The following THSD7A variants were observed in gnomAD, a reference collection of about 807,000 sequenced individuals.
The protein encoded by THSD7A is thrombospondin type 1 domain containing 7A, also known as thrombospondin type-1 domain-containing protein 7A.
THSD7A carries 96 observed loss-of-function variants against 231.3 expected under a neutral mutation model. The observed-to-expected ratio is 0.41, with a 90% CI of 0.35 to 0.49. The LOEUF (loss-of-function observed/expected upper bound fraction) is 0.49. THSD7A is among the 20% of genes least tolerant of loss of function. THSD7A has a pLI of 0.05. For synonymous variants in THSD7A, 940 were observed against 743.3 expected, an observed-to-expected ratio of 1.26 and a Z score of -4.30; for missense variants, 2,290 against 2,070.2, an observed-to-expected ratio of 1.11 and a Z score of -2.06.
chr7:11,620,378 G>A (rs1781263879), intron 2 of THSD7A, among the ~76,000 whole-genome samples: 1 of 152,108 alleles, frequency 6.6e-6, no homozygotes, highest in Non-Finnish European at 1.5e-5. Flanking sequence ...TGTAGAAGAA[G>A]TATCATTCAT....
intron 4 of THSD7A, among the ~76,000 whole-genome samples, chr7:11,589,034 A>T (rs1780042506): frequency 6.6e-6 from 1 of 152,194 alleles, no homozygotes; most frequent in African/African-American, 2.4e-5. Flanking sequence ...CACTGGTGTC[A>T]GTCCTTTTTG....
intron 2 of THSD7A, among the ~76,000 whole-genome samples, chr7:11,610,474 A>G (rs753107862): frequency 2.6e-5 from 4 of 152,102 alleles, no homozygotes; most frequent in Non-Finnish European, 5.9e-5. Flanking sequence ...GAAGCAGCTT[A>G]CAGTTGATGA....
At chr7:11,428,770 C>T (rs1247060322) in intron 14 of THSD7A, among the ~76,000 whole-genome samples, 177 bp downstream of exon 14, 2 of 152,122 alleles carry the variant, frequency 1.3e-5, no homozygotes. Flanking sequence ...CCAGAGAATA[C>T]AGATATGTCT....
At chr7:11,527,003 TGA>T (rs1788503207) in intron 6 of THSD7A, among the ~76,000 whole-genome samples, 1 of 152,182 alleles carries the variant, frequency 6.6e-6, no homozygotes, top group African/African-American at 2.4e-5. Flanking sequence ...GGCAGCAGAC[TGA>T]GAAGTCTAAC....
intron 1 of THSD7A, among the ~76,000 whole-genome samples, chr7:11,823,914 C>T (rs749912230): frequency 6.6e-5 from 10 of 151,700 alleles, no homozygotes; most frequent in South Asian, 2.1e-4. Flanking sequence ...ACTAACTGTG[C>T]GACGTACACC....
intron 2 of THSD7A, among the ~76,000 whole-genome samples, chr7:11,623,399 C>A (rs1329607333): frequency 2.0e-5 from 3 of 152,094 alleles, no homozygotes; most frequent in Non-Finnish European, 4.4e-5. Flanking sequence ...TCTCTTGCGT[C>A]TTACCCTGTT....
At chr7:11,806,602 A>T (rs1784403902) in intron 1 of THSD7A, among the ~76,000 whole-genome samples, 1 of 152,168 alleles carries the variant, frequency 6.6e-6, no homozygotes, top group Non-Finnish European at 1.5e-5. Context: ...TTTCTAAATG[A>T]AACTTGAATG....
intron 17 of THSD7A, among the ~76,000 whole-genome samples, chr7:11,417,216 G>A (rs989494659): frequency 6.6e-6 from 1 of 152,076 alleles, no homozygotes; most frequent in Non-Finnish European, 1.5e-5. Flanking sequence ...TAGGATGATG[G>A]GTTAGTAAAG....
chr7:11,672,527 A>G (rs1271812281), intron 1 of THSD7A, among the ~76,000 whole-genome samples: 1 of 151,976 alleles, frequency 6.6e-6, no homozygotes, highest in African/African-American at 2.4e-5. Context: ...CATGTTTTGC[A>G]TATTTATGTT....
intron 17 of THSD7A, chr7:11,413,989 A>C (rs1783876352): frequency 6.6e-6 from 1 of 152,222 alleles, no homozygotes; most frequent in South Asian, 2.1e-4. Context: ...ACCCCTACCT[A>C]GGAGCCTTAG....
Position 11,474,417 on chromosome 7 carries a change from A to G in THSD7A, c.2169T>C (p.Asn723=). ...VSSFNTTTTW[N]GEASCSVGMQ... is the part of the protein sequence containing the mutation. ...TGCCGACAGAGCAGGAGGCCTCCCCATTCCAAGTCGTAGTTGTGTTGAAGG... is the reference window on the plus strand; with the variant it reads ...TGCCGACAGAGCAGGAGGCCTCCCCGTTCCAAGTCGTAGTTGTGTTGAAGG... Residue 723 remains asparagine (N), a synonymous_variant, in exon 8 of 28, where the codon AAT becomes AAC. Coordinates refer to ENST00000423059, the MANE Select transcript of THSD7A (RefSeq NM_015204.3). The surrounding 1 kb of genome is among the most constrained non-coding windows in gnomAD (Gnocchi z 4.1). The G allele has an allele frequency of 6.2e-7, 1 of 1,613,574 alleles. No individual in the cohort carries two copies. Among genetic ancestry groups the G allele is most frequent in the African/African-American group, 1.3e-5 (1 of 75,016 alleles).
At chr7:11,764,377 C>T (rs1402792071) in intron 1 of THSD7A, among the ~76,000 whole-genome samples, 2 of 151,994 alleles carry the variant, frequency 1.3e-5, no homozygotes, top group African/African-American at 2.4e-5. Flanking sequence ...GTCAGGAGAT[C>T]GAGACCATCC....
chr7:11,507,135 G>A (rs544618274), intron 6 of THSD7A, among the ~76,000 whole-genome samples: 1 of 152,272 alleles, frequency 6.6e-6, no homozygotes, highest in South Asian at 2.1e-4. Flanking sequence ...GAGGTACTAT[G>A]GACCTTGAAG....
chr7:11,624,184 T>C (rs1781406724), intron 2 of THSD7A, among the ~76,000 whole-genome samples: 1 of 152,116 alleles, frequency 6.6e-6, no homozygotes, highest in Non-Finnish European at 1.5e-5. Flanking sequence ...AATGCCTCCA[T>C]TGCTGCTACT....
intron 1 of THSD7A, among the ~76,000 whole-genome samples, chr7:11,749,526 C>T (rs1444479960): frequency 1.3e-5 from 2 of 151,946 alleles, no homozygotes; most frequent in African/African-American, 4.8e-5. Context: ...TTGACTCAGA[C>T]AACCAAGTAT....
intron 6 of THSD7A, among the ~76,000 whole-genome samples, chr7:11,488,365 GA>G (rs745600031): frequency 1.3e-5 from 2 of 151,962 alleles, no homozygotes; most frequent in Admixed American, 6.6e-5. Context: ...GACCTTTCTA[GA>G]AAACATTTTC....
intron 5 of THSD7A, among the ~76,000 whole-genome samples, chr7:11,542,601 T>C (rs1164676596): frequency 6.6e-6 from 1 of 152,202 alleles, no homozygotes; most frequent in Non-Finnish European, 1.5e-5. Context: ...TATTGTTACA[T>C]CCCTTTTACA....
intron 6 of THSD7A, among the ~76,000 whole-genome samples, chr7:11,530,294 T>C (rs1039738977): frequency 6.6e-6 from 1 of 152,166 alleles, no homozygotes; most frequent in African/African-American, 2.4e-5. Context: ...TGCAATTTGG[T>C]GTCATGCTTT....
chr7:11,468,744 G>A (rs1188282827), intron 9 of THSD7A, among the ~76,000 whole-genome samples: 1 of 152,102 alleles, frequency 6.6e-6, no homozygotes, highest in African/African-American at 2.4e-5. Context: ...TGAGGCACAA[G>A]AATTGCTTGA....
Sources: gnomAD v4.1 joint callset for allele counts (sites outside exome capture counted in the v4.1 genomes callset) on GRCh38, gnomAD v4.1.1 for gene constraint, Gnocchi (gnomAD v3.1) non-coding constraint, MANE v1.5 for transcripts, NCBI Gene and HGNC (gene_info 2026-07-23, HGNC 2026-07-21) for gene names.